The following LUZP2 variants were observed in gnomAD, a reference collection of about 807,000 sequenced individuals.
The protein encoded by LUZP2 is leucine zipper protein 2.
In LUZP2, 52 loss-of-function variants were observed where a neutral mutation model predicts 51.6. That is an observed-to-expected ratio of 1.01 (90% CI 0.81 to 1.27). LUZP2 has a LOEUF of 1.27. LUZP2 is among the 50% of genes most tolerant of loss of function. The probability of loss-of-function intolerance (pLI) is 0.00; values close to 1 mark genes in which losing one functional copy is unlikely to be tolerated. For synonymous variants in LUZP2, 154 were observed against 137.3 expected, an observed-to-expected ratio of 1.12 and a Z score of -0.85; for missense variants, 436 against 395.4, an observed-to-expected ratio of 1.10 and a Z score of -0.87.
intron 7 of LUZP2, among the ~76,000 whole-genome samples, chr11:24,970,133 G>A (rs570246688): frequency 4.6e-5 from 7 of 152,104 alleles, no homozygotes; most frequent in Non-Finnish European, 8.8e-5. Context: ...CTTTGATAAT[G>A]AGAATTTTGG....
At chr11:24,902,323 C>A (rs974695755) in intron 5 of LUZP2, among the ~76,000 whole-genome samples, 6 of 152,120 alleles carry the variant, frequency 3.9e-5, no homozygotes, top group Non-Finnish European at 7.4e-5. Context: ...CCACCCTCAA[C>A]ACTCAGGTAA....
At chr11:24,924,718 A>G (rs1046376339) in intron 7 of LUZP2, among the ~76,000 whole-genome samples, 1 of 152,206 alleles carries the variant, frequency 6.6e-6, no homozygotes, top group Admixed American at 6.5e-5. Context: ...TAATACATAC[A>G]TGTAAGATGT....
intron 5 of LUZP2, among the ~76,000 whole-genome samples, chr11:24,895,719 T>C (rs1396360891): frequency 6.6e-6 from 1 of 152,246 alleles, no homozygotes; most frequent in Non-Finnish European, 1.5e-5. Context: ...TAGTATTCCA[T>C]GGTGTATATG....
chr11:24,788,873 G>A lies in LUZP2; in HGVS notation c.396+25565G>A, dbSNP rs548504269. On this transcript the variant is annotated intron_variant, in intron 5 of 11. Transcript: ENST00000336930. ...TCAGGCCTTTGAATGCTTGGACAAG[G>A]CCCACCCACATTATGAAGGGCAATC... is the stretch of plus-strand genomic sequence containing the variant. 2.6e-5 allele frequency among the ~76,000 whole-genome samples: 4 copies of A among 152,070 alleles called. No homozygotes were observed. The East Asian group carries it at 7.8e-4, about 30-fold the overall frequency.
chr11:24,986,263 T>C (rs550514087), intron 9 of LUZP2, among the ~76,000 whole-genome samples: 17 of 151,748 alleles, frequency 1.1e-4, no homozygotes, highest in Admixed American at 1.1e-3. Context: ...TTATATTATA[T>C]ATACTTACAA....
intron 1 of LUZP2, among the ~76,000 whole-genome samples, chr11:24,727,614 A>G (rs1482073056): frequency 1.2e-4 from 19 of 152,054 alleles, no homozygotes; most frequent in Non-Finnish European, 1.5e-5. Context: ...GCATAAAGTA[A>G]GGTTAAAAAT....
intron 9 of LUZP2, among the ~76,000 whole-genome samples, chr11:24,988,180 T>G (rs1856240316): frequency 6.6e-6 from 1 of 151,980 alleles, no homozygotes; most frequent in African/African-American, 2.4e-5. Flanking sequence ...CACTAACCAT[T>G]TAGTTATCTC....
chr11:24,830,691 G>A (rs1391274596), intron 5 of LUZP2, among the ~76,000 whole-genome samples: 2 of 152,008 alleles, frequency 1.3e-5, no homozygotes, highest in Non-Finnish European at 2.9e-5. Flanking sequence ...TTAGAATCTT[G>A]CTGCTTGTAA....
chr11:24,737,015 A>C (rs1858969135), intron 3 of LUZP2, among the ~76,000 whole-genome samples: 2 of 152,086 alleles, frequency 1.3e-5, no homozygotes, highest in African/African-American at 4.8e-5. Context: ...CATCAGTCTC[A>C]AGGCTAATTA....
At chr11:24,669,096 G>T (rs532071864) in intron 1 of LUZP2, among the ~76,000 whole-genome samples, 6 of 152,092 alleles carry the variant, frequency 3.9e-5, no homozygotes, top group Non-Finnish European at 8.8e-5. Flanking sequence ...GAAATCAAAA[G>T]AACCAAGTTA....
At chr11:24,861,181 A>G (rs1287960828) in intron 5 of LUZP2, among the ~76,000 whole-genome samples, 1 of 152,182 alleles carries the variant, frequency 6.6e-6, no homozygotes, top group African/African-American at 2.4e-5. Context: ...AGACAAATCA[A>G]CCAAGTGGAA....
At chr11:24,750,626 A>G (rs547745415) in intron 4 of LUZP2, among the ~76,000 whole-genome samples, 8 of 152,300 alleles carry the variant, frequency 5.3e-5, no homozygotes, top group African/African-American at 1.7e-4. Flanking sequence ...ATTCCTCAAG[A>G]AGGGTATTTA....
At chr11:24,689,869 A>G (rs2133886656) in intron 1 of LUZP2, among the ~76,000 whole-genome samples, 1 of 152,180 alleles carries the variant, frequency 6.6e-6, no homozygotes, top group South Asian at 2.1e-4. Flanking sequence ...TCTGTATCCT[A>G]TGTAGACAAA....
chr11:24,770,454 T>A (rs1442710299), intron 5 of LUZP2, among the ~76,000 whole-genome samples: 1 of 152,208 alleles, frequency 6.6e-6, no homozygotes, highest in East Asian at 1.9e-4. Context: ...CTTTCAAGTC[T>A]CTCAGTTATC....
At chr11:24,609,696 C>T (rs1375978212) in intron 1 of LUZP2, among the ~76,000 whole-genome samples, 2 of 125,766 alleles carry the variant, frequency 1.6e-5, no homozygotes, top group African/African-American at 6.1e-5. Flanking sequence ...CACCACTGCA[C>T]TCCAGCCTGG....
chr11:25,076,768 A>C (rs1052906518), intron 10 of LUZP2, among the ~76,000 whole-genome samples: 1 of 122,668 alleles, frequency 8.2e-6, no homozygotes, highest in African/African-American at 3.1e-5. Context: ...TTTTTTTTCC[A>C]TTGCTAACAC....
At chr11:24,981,737 A>T (rs1856037431) in intron 8 of LUZP2, among the ~76,000 whole-genome samples, 2 of 151,864 alleles carry the variant, frequency 1.3e-5, no homozygotes, top group African/African-American at 2.4e-5. Context: ...AAACACAAGA[A>T]TCTACATTGC....
chr11:25,029,418 T>C (rs570077264), intron 9 of LUZP2, among the ~76,000 whole-genome samples: 3 of 152,182 alleles, frequency 2.0e-5, no homozygotes, highest in African/African-American at 7.2e-5. Context: ...ACTTCAAATA[T>C]GAACACTCTT....
At chr11:24,647,400 A>G (rs996279385) in intron 1 of LUZP2, among the ~76,000 whole-genome samples, 1 of 152,026 alleles carries the variant, frequency 6.6e-6, no homozygotes, top group African/African-American at 2.4e-5. Context: ...AAAGAAAAAG[A>G]AAAGAAACTT....
Sources: allele counts gnomAD v4.1 joint callset (sites outside exome capture counted in the v4.1 genomes callset), GRCh38; gene constraint gnomAD v4.1.1; transcripts MANE v1.5; gene names NCBI Gene and HGNC (gene_info 2026-07-23, HGNC 2026-07-21).